The following TTC39C variants were observed in gnomAD, a reference collection of about 807,000 sequenced individuals.
TTC39C encodes tetratricopeptide repeat protein 39C.
TTC39C carries 33 observed loss-of-function variants against 76.3 expected under a neutral mutation model. The ratio of observed to expected loss-of-function variants is 0.43; its 90% confidence interval spans 0.33 to 0.58. The LOEUF is 0.58. Ranked by LOEUF, TTC39C falls within the 20% of genes least tolerant of loss-of-function variation. The pLI is 0.04. For synonymous variants in TTC39C, 254 were observed against 260.6 expected (o/e 0.97, Z 0.24); for missense variants, 595 against 701.4 (o/e 0.85, Z 1.71).
At chr18:24,112,604 A>T (rs970451552) in intron 6 of TTC39C, among the ~76,000 whole-genome samples, 1 of 152,154 alleles carries the variant, frequency 6.6e-6, no homozygotes, top group African/African-American at 2.4e-5. Context: ...CCTGGCACAT[A>T]GCGGTTGCCC....
rs566165965 is a variant in TTC39C, at chr18:24,080,455, A to G, written c.461-130A>G. On this transcript the variant is annotated intron_variant, in intron 4 of 13. Coordinates refer to ENST00000317571, the MANE Select transcript of TTC39C (RefSeq NM_001135993.2). The stretch of plus-strand genomic sequence containing the variant: ...GCACTATAAGAACACTGGGTACAAC[A>G]ATAGATACTAATTTTTATGTTTTTT... 4.5e-6 allele frequency: 3 copies of G among 670,860 alleles called. No individual in the cohort carries two copies. In the South Asian group the frequency reaches 6.0e-5, roughly 13 times the overall value. 41.6% of individuals were successfully genotyped at this position (670,860 alleles called of 1,614,324 possible).
At chr18:24,064,801 G>A (rs1306734347) in intron 2 of TTC39C, among the ~76,000 whole-genome samples, 1 of 152,156 alleles carries the variant, frequency 6.6e-6, no homozygotes, top group East Asian at 1.9e-4. Context: ...AAAAGAGAAA[G>A]CATTTAGATC....
chr18:23,996,989 G>A (rs1463059021), intron 1 of TTC39C, among the ~76,000 whole-genome samples: 1 of 152,148 alleles, frequency 6.6e-6, no homozygotes, highest in Non-Finnish European at 1.5e-5. Context: ...CACACCTGTA[G>A]TCCCAGCTAC....
At chr18:24,030,316 T>C (rs1012527112) in intron 1 of TTC39C, among the ~76,000 whole-genome samples, 1 of 152,216 alleles carries the variant, frequency 6.6e-6, no homozygotes, top group South Asian at 2.1e-4. Context: ...AGATATTTGA[T>C]ACACATTAAT....
intron 4 of TTC39C, 105 bp downstream of exon 4, chr18:24,069,376 C>T: frequency 2.2e-6 from 2 of 922,232 alleles, no homozygotes; most frequent in South Asian, 3.2e-5. Flanking sequence ...ACACATGTGG[C>T]ACCTCTTTGG....
chr18:24,067,429 G>C (rs572761114), intron 3 of TTC39C, among the ~76,000 whole-genome samples: 2 of 152,154 alleles, frequency 1.3e-5, no homozygotes, highest in African/African-American at 2.4e-5. Flanking sequence ...CCATGGACCC[G>C]TACTGGTCTA....
intron 1 of TTC39C, among the ~76,000 whole-genome samples, chr18:24,041,843 T>C (rs911841655): frequency 8.5e-5 from 13 of 152,238 alleles, no homozygotes; most frequent in Non-Finnish European, 1.9e-4. Context: ...ACTTCTGATA[T>C]CTTTAGAGAA....
chr18:24,005,468 C>A (rs562424799), intron 1 of TTC39C, among the ~76,000 whole-genome samples: 2 of 151,980 alleles, frequency 1.3e-5, no homozygotes, highest in Non-Finnish European at 2.9e-5. Flanking sequence ...TGCTCTGCAC[C>A]CTGTGGTTTA....
At chr18:24,063,555 C>G (rs1217203835) in intron 1 of TTC39C, among the ~76,000 whole-genome samples, 1 of 150,804 alleles carries the variant, frequency 6.6e-6, no homozygotes, top group East Asian at 1.9e-4. Flanking sequence ...CTCTCTCGCC[C>G]AGGCTGGAGT....
intron 6 of TTC39C, among the ~76,000 whole-genome samples, chr18:24,092,694 A>G (rs2084539415): frequency 6.6e-6 from 1 of 152,236 alleles, no homozygotes; most frequent in African/African-American, 2.4e-5. Context: ...ACAGAGGCAG[A>G]AAATAGATTA....
chr18:24,087,261 A>G (rs1409535045), intron 6 of TTC39C, among the ~76,000 whole-genome samples: 4 of 152,154 alleles, frequency 2.6e-5, no homozygotes, highest in Non-Finnish European at 4.4e-5. Context: ...GATTATTTTT[A>G]CAATATTAGG....
At chr18:24,031,264 G>C (rs375473012) in intron 1 of TTC39C, among the ~76,000 whole-genome samples, 2,299 of 55,276 alleles carry the variant, frequency 0.042, 39 homozygotes, top group African/African-American at 0.062. Flanking sequence ...GTCCTCCGAG[G>C]ATAAGTCTTT....
chr18:24,046,708 T>C (rs1477338886), intron 1 of TTC39C, among the ~76,000 whole-genome samples: 1 of 151,910 alleles, frequency 6.6e-6, no homozygotes. Context: ...AAATTTTTTC[T>C]ATATTCTTCT....
intron 6 of TTC39C, among the ~76,000 whole-genome samples, chr18:24,110,645 A>T (rs564112242): frequency 1.3e-5 from 2 of 152,256 alleles, no homozygotes; most frequent in Non-Finnish European, 2.9e-5. Context: ...GAACTAAAAA[A>T]TACCTAGGAA....
At chr18:24,131,345 CTA>C in intron 12 of TTC39C, among the ~76,000 whole-genome samples, 1 of 151,776 alleles carries the variant, frequency 6.6e-6, no homozygotes, top group African/African-American at 2.4e-5. Context: ...CTTTTATAGA[CTA>C]TGAAAAATTA....
chr18:24,085,294 C>G (rs1271607986), intron 6 of TTC39C, among the ~76,000 whole-genome samples: 1 of 152,190 alleles, frequency 6.6e-6, no homozygotes, highest in Non-Finnish European at 1.5e-5. Context: ...AGAATTCTCT[C>G]TCTTTATTCT....
At chr18:24,016,361 GT>G (rs1431275916) in intron 1 of TTC39C, among the ~76,000 whole-genome samples, 1 of 152,180 alleles carries the variant, frequency 6.6e-6, no homozygotes, top group African/African-American at 2.4e-5. Flanking sequence ...CTCTTTTGTA[GT>G]TTTTAAGAAG....
chr18:24,029,875 T>C (rs146287163), intron 1 of TTC39C, among the ~76,000 whole-genome samples: 3 of 152,374 alleles, frequency 2.0e-5, no homozygotes, highest in Admixed American at 2.0e-4. Flanking sequence ...GGTATATTTA[T>C]ACCACATTTT....
At chr18:24,000,444 C>T (rs1023850906) in intron 1 of TTC39C, 8 of 152,248 alleles carry the variant, frequency 5.3e-5, no homozygotes, top group African/African-American at 1.9e-4. Context: ...CAGGGAAACC[C>T]ACCCTGCCCA....
Sources: gnomAD v4.1 joint callset for allele counts (sites outside exome capture counted in the v4.1 genomes callset) on GRCh38, gnomAD v4.1.1 for gene constraint, MANE v1.5 for transcripts, NCBI Gene and HGNC (gene_info 2026-07-23, HGNC 2026-07-21) for gene names.